Variants in RDX observed in about 807,000 individuals in gnomAD.
RDX encodes deafness, autosomal recessive 24.
In RDX, 32 loss-of-function variants were observed where a neutral mutation model predicts 83.7. The observed-to-expected ratio is 0.38, with a 90% CI of 0.29 to 0.51. The LOEUF (loss-of-function observed/expected upper bound fraction) is 0.51, where lower values mean the gene tolerates loss of function less well. RDX is among the 20% of genes least tolerant of loss of function. The pLI is 0.87. For synonymous variants in RDX, 229 were observed against 222.7 expected, an observed-to-expected ratio of 1.03 and a Z score of -0.25; for missense variants, 600 against 689.9, an observed-to-expected ratio of 0.87 and a Z score of 1.46.
At chr11:110,198,675 C>T (rs1434122895) in intron 15 of RDX, among the ~76,000 whole-genome samples, 1 of 152,164 alleles carries the variant, frequency 6.6e-6, no homozygotes, top group East Asian at 1.9e-4. Flanking sequence ...ACCCCAAAAC[C>T]ATCCCCTCCA....
intron 1 of RDX, among the ~76,000 whole-genome samples, chr11:110,295,629 G>A (rs180885661): frequency 6.3e-4 from 84 of 133,916 alleles, no homozygotes; most frequent in African/African-American, 2.3e-3. Context: ...AAGTGATGTA[G>A]TCTGTTTAAA....
intron 10 of RDX, among the ~76,000 whole-genome samples, chr11:110,240,017 G>GTATCCAGCAA (rs547789445): frequency 6.6e-6 from 1 of 151,964 alleles, no homozygotes; most frequent in African/African-American, 2.4e-5. Flanking sequence ...CCAAAACATA[G>GTATCCAGCAA]TATCCAGCAA....
rs545040076 is a variant in RDX, at chr11:110,202,420, T to C, written c.1749-2742A>G. Among the ~76,000 whole-genome samples the C allele has an allele frequency of 2.0e-5, 3 of 151,944 alleles. No individual in the cohort carries two copies. The South Asian group carries it at 6.3e-4, about 32-fold the overall frequency. On this transcript the variant is annotated intron_variant, in intron 14 of 15. Coordinates refer to the RDX transcript ENST00000528498. ...AAAAAAAAATCTGTCTAGTTTAGTA[T>C]ATTAACATTTTTCTTTTAGACAGGG...
chr11:110,215,697 CA>C (rs1864027045), intron 14 of RDX, among the ~76,000 whole-genome samples: 1 of 152,090 alleles, frequency 6.6e-6, no homozygotes, highest in Admixed American at 6.6e-5. Flanking sequence ...ATAATCCTTC[CA>C]AGAGCAAGTA....
chr11:110,278,144 C>T lies in RDX; in HGVS notation c.12+1537G>A, dbSNP rs180871216. Among the ~76,000 whole-genome samples, 5 of 152,072 alleles carry T rather than the reference C, an allele frequency of 3.3e-5. No individual in the cohort carries two copies. The East Asian group carries it at 7.7e-4, about 23-fold the overall frequency. On this transcript the variant is annotated intron_variant, in intron 2 of 13. Transcript: ENST00000645495. Reference sequence around the variant, plus strand: ...TTGGTGTATTTTCATTTCACCGATCCTATTAATTTATTCTTTCACCAATAC... The same window carrying T: ...TTGGTGTATTTTCATTTCACCGATCTTATTAATTTATTCTTTCACCAATAC...
chr11:110,183,522 C>A (rs958515097), intron 15 of RDX, among the ~76,000 whole-genome samples: 1 of 152,214 alleles, frequency 6.6e-6, no homozygotes, highest in Non-Finnish European at 1.5e-5. Context: ...AAGTGTCCCA[C>A]TATGATGCTC....
At chr11:110,246,903 C>T (rs538791568) in intron 10 of RDX, among the ~76,000 whole-genome samples, 1 of 152,264 alleles carries the variant, frequency 6.6e-6, no homozygotes, top group South Asian at 2.1e-4. Flanking sequence ...AACTGAATAG[C>T]TTGTTTTACC....
intron 5 of RDX, among the ~76,000 whole-genome samples, chr11:110,262,371 G>C (rs1035488254): frequency 1.3e-5 from 2 of 152,158 alleles, no homozygotes; most frequent in African/African-American, 4.8e-5. Flanking sequence ...GATCATTTGA[G>C]ATCAGGAGTT....
intron 13 of RDX, among the ~76,000 whole-genome samples, chr11:110,232,502 C>T (rs1864679407): frequency 6.6e-6 from 1 of 152,046 alleles, no homozygotes; most frequent in Non-Finnish European, 1.5e-5. Context: ...CTACTTTGAC[C>T]TAGTTATGTC....
chr11:110,190,925 G>A (rs1591500784), intron 15 of RDX, among the ~76,000 whole-genome samples: 3 of 152,176 alleles, frequency 2.0e-5, no homozygotes, highest in African/African-American at 7.2e-5. Flanking sequence ...GCAGTATCAA[G>A]TTCCAAAATT....
intron 14 of RDX, among the ~76,000 whole-genome samples, chr11:110,202,767 A>G (rs1429398239): frequency 6.6e-6 from 1 of 151,862 alleles, no homozygotes; most frequent in Non-Finnish European, 1.5e-5. Flanking sequence ...ATGGCAGCAG[A>G]TATATGAAAA....
At chr11:110,219,747 G>C (rs1864181912) in intron 14 of RDX, among the ~76,000 whole-genome samples, 1 of 152,166 alleles carries the variant, frequency 6.6e-6, no homozygotes, top group African/African-American at 2.4e-5. Flanking sequence ...AGTTTAAGGA[G>C]GGAAGATCTT....
Position 110,258,867 on chromosome 11 carries a change from CTTTT to C in RDX, c.468-682_468-679del, listed in dbSNP as rs11421586. On this transcript the variant is annotated intron_variant, in intron 5 of 13. Transcript: ENST00000645495. ...TAATTCAAATGTGAGCAAATACATT[CTTTT>C]TTTTTTTTTTTTTTTTTTGAGATGG... Among the ~76,000 whole-genome samples, 137 of 94,606 alleles carry C rather than the reference CTTTT, an allele frequency of 1.4e-3. No homozygotes were observed. In the East Asian group the frequency reaches 0.031, roughly 22 times the overall value. The allele number at this position is 94,606 out of a possible 152,430, so 62.1% of individuals were successfully genotyped here.
chr11:110,242,975 T>A (rs1414755798), intron 10 of RDX, among the ~76,000 whole-genome samples: 1 of 152,094 alleles, frequency 6.6e-6, no homozygotes, highest in Non-Finnish European at 1.5e-5. Flanking sequence ...GCTGAATAGC[T>A]GGGACAGAGA....
At chr11:110,184,914 G>T (rs761513917) in intron 15 of RDX, among the ~76,000 whole-genome samples, 16 of 152,246 alleles carry the variant, frequency 1.1e-4, no homozygotes, top group South Asian at 6.2e-4. Context: ...ACCTTGGAGG[G>T]GGGGCTAGGG....
At chr11:110,180,076 A>G (rs1862855587) in intron 15 of RDX, among the ~76,000 whole-genome samples, 1 of 151,478 alleles carries the variant, frequency 6.6e-6, no homozygotes. Flanking sequence ...TAATTTTTGT[A>G]TTTTTAGTAG....
rs537820946 is a variant in RDX at position 110,217,291 on chromosome 11, CAT to C, written c.1748+14580_1748+14581del. On this transcript the variant is annotated intron_variant, in intron 14 of 15. Coordinates refer to the RDX transcript ENST00000528498. ...GGATGGTTAAATATCAGTAACTGCA[CAT>C]GATTCAACCTAGTAATACAATTTGT... Among the ~76,000 whole-genome samples, 1,401 of 152,318 alleles carry C rather than the reference CAT, an allele frequency of 9.2e-3. 27 individuals carry two copies. Among genetic ancestry groups the C allele is most frequent in the African/African-American group, 0.032 (1,314 of 41,562 alleles).
intron 1 of RDX, among the ~76,000 whole-genome samples, chr11:110,288,846 C>A (rs1384247471): frequency 2.0e-5 from 3 of 152,114 alleles, no homozygotes; most frequent in Non-Finnish European, 2.9e-5. Flanking sequence ...TGATTAGTGT[C>A]AAGGGCAATA....
In RDX at chr11:110,233,199, A is replaced by C. The variant is rs10450619; in HGVS notation, c.1587+38T>G. 0.41 allele frequency: 664,368 copies of C among 1,609,048 alleles called. 139,541 individuals are homozygous for C. The highest frequency in any genetic ancestry group is 0.6 in the East Asian group (26,756 of 44,866). On this transcript the variant is annotated intron_variant, in intron 13 of 13. Coordinates refer to ENST00000645495, the MANE Select transcript of RDX (RefSeq NM_002906.4). ...GTCTAAGATGGGGAAAATGCAAACT[A>C]TATTTCAAATGCACATACAACTGCA...
Sources: gnomAD v4.1 joint callset for allele counts (sites outside exome capture counted in the v4.1 genomes callset) on GRCh38, gnomAD v4.1.1 for gene constraint, MANE v1.5 for transcripts, NCBI Gene and HGNC (gene_info 2026-07-23, HGNC 2026-07-21) for gene names.